GBE1: variants seen among roughly 807,000 people sequenced by gnomAD.
The protein encoded by GBE1 is 1,4-alpha-glucan-branching enzyme.
A neutral mutation model predicts 88.8 loss-of-function variants in GBE1; 70 were observed. The observed-to-expected ratio is 0.79, with a 90% CI of 0.65 to 0.96. The LOEUF (loss-of-function observed/expected upper bound fraction) is 0.96, where lower values mean the gene tolerates loss of function less well. Among genes scored for constraint, GBE1 ranks in the 40% least tolerant of loss-of-function variants. The pLI is 0.00. For synonymous variants in GBE1, 284 were observed against 300.1 expected (o/e 0.95, Z 0.56); for missense variants, 872 against 871.0 (o/e 1.00, Z -0.01).
chr3:81,667,787 G>T (rs1183906672), intron 3 of GBE1, among the ~76,000 whole-genome samples: 1 of 152,108 alleles, frequency 6.6e-6, no homozygotes, highest in Non-Finnish European at 1.5e-5. Context: ...TGCATCCCGG[G>T]GATGAAACTA....
intron 1 of GBE1, among the ~76,000 whole-genome samples, chr3:81,754,148 A>C (rs542160066): frequency 1.8e-4 from 28 of 152,316 alleles, no homozygotes; most frequent in Middle Eastern, 3.4e-3. Flanking sequence ...AATCTGTATG[A>C]TTTATATATG....
At chr3:81,555,621 G>A (rs565086325) in intron 12 of GBE1, among the ~76,000 whole-genome samples, 1 of 152,240 alleles carries the variant, frequency 6.6e-6, no homozygotes, top group South Asian at 2.1e-4. Context: ...CTCCCAATAT[G>A]CAGACCCTGC....
In GBE1 at chr3:81,547,226, G is replaced by A. The variant is rs1195963618; in HGVS notation, c.1619-10131C>T. On this transcript the variant is annotated intron_variant, in intron 12 of 15. Coordinates refer to ENST00000429644, the MANE Select transcript of GBE1 (RefSeq NM_000158.4). Reference sequence around the variant, plus strand: ...GCTCCTCTCAGAAAAAGGCAAGGACGCTTGACTGAACTTGGGTTCGAGGCC... The same window carrying A: ...GCTCCTCTCAGAAAAAGGCAAGGACACTTGACTGAACTTGGGTTCGAGGCC... Among the ~76,000 whole-genome samples the A allele has an allele frequency of 4.0e-5, 6 of 151,526 alleles. No individual in the cohort carries two copies. The East Asian group carries it at 9.7e-4, about 24-fold the overall frequency.
chr3:81,629,288 T>C (rs1201701482), intron 7 of GBE1, among the ~76,000 whole-genome samples: 18 of 149,490 alleles, frequency 1.2e-4, no homozygotes, highest in African/African-American at 4.0e-4. Flanking sequence ...GTTTGGTTTT[T>C]TGTTCTTGCG....
chr3:81,640,060 A>G (rs1559672651), intron 7 of GBE1, among the ~76,000 whole-genome samples: 1 of 152,202 alleles, frequency 6.6e-6, no homozygotes, highest in East Asian at 1.9e-4. Context: ...ATTGCTAAGA[A>G]GTATTTGTTT....
intron 12 of GBE1, among the ~76,000 whole-genome samples, chr3:81,560,149 G>A (rs941885200): frequency 5.9e-5 from 9 of 151,760 alleles, no homozygotes; most frequent in African/African-American, 1.9e-4. Flanking sequence ...AGTTCTCATC[G>A]TACCACAATT....
chr3:81,593,881 C>A, intron 8 of GBE1, 27 bp downstream of exon 8: 1 of 1,212,812 alleles, frequency 8.2e-7, no homozygotes, highest in East Asian at 2.6e-5. Context: ...CAATTAACCC[C>A]AAACCTGATT....
chr3:81,527,800 A>T (rs1467646535), intron 14 of GBE1, among the ~76,000 whole-genome samples: 4 of 152,104 alleles, frequency 2.6e-5, no homozygotes, highest in Non-Finnish European at 4.4e-5. Flanking sequence ...ATTGTGGAAG[A>T]CAGTGTGGCG....
rs570033584 is a variant in GBE1 at position 81,493,773 on chromosome 3, T to A, written c.2053-3310A>T. Among the ~76,000 whole-genome samples, 125 of 152,060 alleles carry A rather than the reference T, an allele frequency of 8.2e-4. 1 individual carries two copies. The highest frequency in any genetic ancestry group is 2.9e-3 in the African/African-American group (122 of 41,498). ...CTGGTCTCGAACTCCCGACCTCAGCTGTTCTGCCTGCCTCGGCAGGCTGGG... is the reference window on the plus strand; with the variant it reads ...CTGGTCTCGAACTCCCGACCTCAGCAGTTCTGCCTGCCTCGGCAGGCTGGG... On this transcript the variant is annotated intron_variant, in intron 15 of 15. Transcript: ENST00000429644.
intron 13 of GBE1, among the ~76,000 whole-genome samples, chr3:81,536,575 T>C (rs1020875206): frequency 1.3e-5 from 2 of 152,144 alleles, no homozygotes; most frequent in Middle Eastern, 6.8e-3. Context: ...CATAAAAAAG[T>C]GTTCCAAACA....
At chr3:81,578,980 A>G (rs1447561597) in intron 11 of GBE1, among the ~76,000 whole-genome samples, 2 of 151,994 alleles carry the variant, frequency 1.3e-5, no homozygotes, top group African/African-American at 4.8e-5. Flanking sequence ...TTATATCATT[A>G]CTTCTTAAAC....
chr3:81,520,496 G>T (rs1277516066), intron 14 of GBE1, among the ~76,000 whole-genome samples: 1 of 151,432 alleles, frequency 6.6e-6, no homozygotes, highest in African/African-American at 2.4e-5. Context: ...GAGCACTCTG[G>T]TCTTGGGAAC....
intron 1 of GBE1, among the ~76,000 whole-genome samples, chr3:81,741,472 C>T (rs1402333705): frequency 5.3e-5 from 8 of 151,908 alleles, no homozygotes; most frequent in Admixed American, 2.6e-4. Context: ...AGATGGAAGT[C>T]GAGAGGAACA....
At chr3:81,698,174 T>C (rs1705630738) in intron 2 of GBE1, among the ~76,000 whole-genome samples, 2 of 151,688 alleles carry the variant, frequency 1.3e-5, no homozygotes, top group African/African-American at 4.8e-5. Context: ...TTAGGCATTA[T>C]AGCAAAGCTC....
chr3:81,645,709 G>A (rs1576183270), intron 6 of GBE1, among the ~76,000 whole-genome samples: 1 of 152,290 alleles, frequency 6.6e-6, no homozygotes, highest in East Asian at 1.9e-4. Context: ...GATCTCACTT[G>A]CAGTATTTGT....
intron 2 of GBE1, among the ~76,000 whole-genome samples, chr3:81,685,634 G>A (rs1705425433): frequency 6.6e-6 from 1 of 151,920 alleles, no homozygotes; most frequent in African/African-American, 2.4e-5. Context: ...CATCTGTCTC[G>A]GCCTCCCAAA....
intron 12 of GBE1, among the ~76,000 whole-genome samples, chr3:81,557,633 C>G (rs907219482): frequency 1.3e-5 from 2 of 151,952 alleles, no homozygotes; most frequent in African/African-American, 4.8e-5. Flanking sequence ...AGATCTCAGG[C>G]AGCTTCAAAA....
chr3:81,619,207 A>C (rs1704291610), intron 7 of GBE1, among the ~76,000 whole-genome samples: 1 of 152,054 alleles, frequency 6.6e-6, no homozygotes. Flanking sequence ...TGGCTAAACT[A>C]TGCATGTAGT....
At chr3:81,732,062 AC>A (rs1163156083) in intron 1 of GBE1, among the ~76,000 whole-genome samples, 1 of 152,228 alleles carries the variant, frequency 6.6e-6, no homozygotes, top group African/African-American at 2.4e-5. Flanking sequence ...TGATTACATC[AC>A]CATGAAGACA....
Sources: gnomAD v4.1 joint callset for allele counts (sites outside exome capture counted in the v4.1 genomes callset) on GRCh38, gnomAD v4.1.1 for gene constraint, MANE v1.5 for transcripts, NCBI Gene and HGNC (gene_info 2026-07-23, HGNC 2026-07-21) for gene names.